Variants in CALN1 observed in about 807,000 individuals in gnomAD.
CALN1 encodes calneuron 1.
In CALN1, 17 loss-of-function variants were observed where a neutral mutation model predicts 30.6. The observed-to-expected ratio is 0.56, with a 90% CI of 0.38 to 0.83. The LOEUF (loss-of-function observed/expected upper bound fraction) is 0.83. Ranked by LOEUF, CALN1 falls within the 40% of genes least tolerant of loss-of-function variation. The pLI is 0.00. For missense variants in CALN1, 291 were observed against 354.9 expected, an observed-to-expected ratio of 0.82 and a Z score of 1.45; for synonymous variants, 156 against 131.4, an observed-to-expected ratio of 1.19 and a Z score of -1.28.
chr7:71,823,749 G>C (rs954383934), intron 5 of CALN1, among the ~76,000 whole-genome samples: 5 of 151,664 alleles, frequency 3.3e-5, no homozygotes, highest in African/African-American at 9.7e-5. Flanking sequence ...TTAATAAAAA[G>C]AAAAGAAAAA....
intron 5 of CALN1, among the ~76,000 whole-genome samples, chr7:71,995,622 C>G (rs1461694169): frequency 6.6e-6 from 1 of 152,078 alleles, no homozygotes; most frequent in Non-Finnish European, 1.5e-5. Context: ...CAGCCCCAGA[C>G]AAACCCCACA....
intron 2 of CALN1, among the ~76,000 whole-genome samples, chr7:72,346,834 C>T (rs1039242160): frequency 6.6e-6 from 1 of 152,052 alleles, no homozygotes; most frequent in Non-Finnish European, 1.5e-5. Context: ...TTATTTTTAA[C>T]ACAGAATAAA....
At chr7:71,946,692 T>C (rs1267051497) in intron 5 of CALN1, among the ~76,000 whole-genome samples, 1 of 152,034 alleles carries the variant, frequency 6.6e-6, no homozygotes, top group East Asian at 1.9e-4. Context: ...CATACATCAT[T>C]TTCCCACATC....
rs551108490 is a variant in CALN1, at chr7:71,839,457, A to C, written c.502-28965T>G. On this transcript the variant is annotated intron_variant, in intron 5 of 6. Coordinates refer to ENST00000395275, the MANE Select transcript of CALN1 (RefSeq NM_031468.4). ...TGAGGCAGGAGATTCGCCTGAACCC[A>C]GGAGGTGGCAGTTATAGTGAGCCGA... 6.6e-5 allele frequency among the ~76,000 whole-genome samples: 10 copies of C among 152,288 alleles called. No individual in the cohort carries two copies. In the South Asian group the frequency reaches 2.1e-3, roughly 32 times the overall value.
the CALN1 span, among the ~76,000 whole-genome samples, chr7:72,485,630 G>T: frequency 1.3e-5 from 2 of 152,184 alleles, no homozygotes; most frequent in African/African-American, 4.8e-5. Context: ...CCAGCACTTT[G>T]GGAGGCCCAG....
chr7:72,295,324 A>AT lies in CALN1; in HGVS notation c.120-16515dup, dbSNP rs550009075. Among the ~76,000 whole-genome samples, 54 of 151,832 alleles carry AT rather than the reference A, an allele frequency of 3.6e-4. No individual in the cohort carries two copies. The South Asian group carries it at 8.7e-3, about 25-fold the overall frequency. Reference sequence around the variant, plus strand: ...TTTAAAAATAACAAAAACAATACTTATTTTTTTTAAATCACAGAGTGTAGC... The same window carrying AT: ...TTTAAAAATAACAAAAACAATACTTATTTTTTTTTAAATCACAGAGTGTAGC... On this transcript the variant is annotated intron_variant, in intron 2 of 6. Coordinates refer to ENST00000395275, the MANE Select transcript of CALN1 (RefSeq NM_031468.4).
chr7:71,843,162 TAAG>T (rs1790035331), intron 5 of CALN1, among the ~76,000 whole-genome samples: 1 of 152,204 alleles, frequency 6.6e-6, no homozygotes, highest in Admixed American at 6.5e-5. Context: ...TTATTCTCCC[TAAG>T]AAGACACTTC....
intron 3 of CALN1, among the ~76,000 whole-genome samples, chr7:72,244,527 G>C: frequency 6.7e-6 from 1 of 150,248 alleles, no homozygotes; most frequent in Non-Finnish European, 1.5e-5. Context: ...ATATAAATGA[G>C]GAATAAACCA....
chr7:72,248,266 C>T (rs561888255), intron 3 of CALN1, among the ~76,000 whole-genome samples: 2 of 152,272 alleles, frequency 1.3e-5, no homozygotes, highest in Admixed American at 6.5e-5. Flanking sequence ...AAGTGCTCGC[C>T]ACCACACCCA....
At chr7:72,162,851 A>G (rs937466762) in intron 3 of CALN1, among the ~76,000 whole-genome samples, 4 of 152,364 alleles carry the variant, frequency 2.6e-5, no homozygotes, top group African/African-American at 7.2e-5. Context: ...AGGATAACTT[A>G]AAGTCTTAAT....
chr7:71,830,033 C>CTTTTT (rs67629864), intron 5 of CALN1, among the ~76,000 whole-genome samples: 1 of 136,716 alleles, frequency 7.3e-6, no homozygotes, highest in African/African-American at 2.7e-5. Context: ...GAGTAAGTTC[C>CTTTTT]TTTTTTTTTT....
chr7:71,953,116 C>G (rs1796778609), intron 5 of CALN1, among the ~76,000 whole-genome samples: 2 of 152,004 alleles, frequency 1.3e-5, no homozygotes, highest in African/African-American at 4.8e-5. Flanking sequence ...ACCACTACAC[C>G]CAGCTGCTGT....
intron 3 of CALN1, among the ~76,000 whole-genome samples, chr7:72,114,988 A>T (rs1388209427): frequency 6.6e-6 from 1 of 151,828 alleles, no homozygotes. Context: ...GAGAAAAAGG[A>T]GGCTGGGCAT....
chr7:72,378,482 G>A (rs922640997), intron 2 of CALN1, among the ~76,000 whole-genome samples: 14 of 152,078 alleles, frequency 9.2e-5, no homozygotes, highest in African/African-American at 3.1e-4. Flanking sequence ...TGGCTTTTAT[G>A]GAAACACAGA....
intron 4 of CALN1, among the ~76,000 whole-genome samples, chr7:72,067,077 C>T (rs1285128295): frequency 6.6e-6 from 1 of 152,074 alleles, no homozygotes; most frequent in African/African-American, 2.4e-5. Flanking sequence ...GTGTGAGCCA[C>T]CACGCCCAGC....
chr7:72,453,756 T>C, the CALN1 span, among the ~76,000 whole-genome samples: 1 of 152,178 alleles, frequency 6.6e-6, no homozygotes, highest in Non-Finnish European at 1.5e-5. Flanking sequence ...CTCATAGCCA[T>C]GGTGCAGCCC....
chr7:72,364,563 TG>T (rs1803768839), intron 2 of CALN1, among the ~76,000 whole-genome samples: 1 of 152,178 alleles, frequency 6.6e-6, no homozygotes, highest in Non-Finnish European at 1.5e-5. Context: ...GAAAAGTGCC[TG>T]GCAAAGTATT....
At chr7:71,864,654 T>C (rs565681230) in intron 5 of CALN1, among the ~76,000 whole-genome samples, 15 of 152,244 alleles carry the variant, frequency 9.9e-5, no homozygotes, top group African/African-American at 3.6e-4. Context: ...AGATGATATA[T>C]TTGAGTTGTT....
Position 72,338,494 on chromosome 7 carries a change from T to A in CALN1, c.120-59684A>T, listed in dbSNP as rs1054345159. Among the ~76,000 whole-genome samples, 1,130 of 141,970 alleles carry A rather than the reference T, an allele frequency of 8.0e-3. 22 individuals carry two copies. Among genetic ancestry groups the A allele is most frequent in the African/African-American group, 0.028 (1,062 of 37,710 alleles). The allele number at this position is 141,970 out of a possible 152,430, so 93.1% of individuals were successfully genotyped here. On this transcript the variant is annotated intron_variant, in intron 2 of 6. Coordinates refer to ENST00000395275, the MANE Select transcript of CALN1 (RefSeq NM_031468.4). Reference sequence around the variant, plus strand: ...CAGTGTGTGTGTGTGTGTGTGTGTGTGTGTGTGTGTGTGTGTGTGTGTGTG... The same window carrying A: ...CAGTGTGTGTGTGTGTGTGTGTGTGAGTGTGTGTGTGTGTGTGTGTGTGTG...
Sources: gnomAD v4.1 joint callset for allele counts (sites outside exome capture counted in the v4.1 genomes callset) on GRCh38, gnomAD v4.1.1 for gene constraint, MANE v1.5 for transcripts, NCBI Gene and HGNC (gene_info 2026-07-23, HGNC 2026-07-21) for gene names.